MEF2D: variants seen among roughly 807,000 people sequenced by gnomAD.
MEF2D encodes the protein myocyte enhancer factor 2D.
In MEF2D, 10 loss-of-function variants were observed where a neutral mutation model predicts 59.3. That is an observed-to-expected ratio of 0.17 (90% CI 0.10 to 0.29). The LOEUF (loss-of-function observed/expected upper bound fraction) is 0.29, where lower values mean the gene tolerates loss of function less well. Among genes scored for constraint, MEF2D ranks in the 10% least tolerant of loss-of-function variants. The pLI, the probability that MEF2D is intolerant of heterozygous loss-of-function variation, is 1.00. For synonymous variants in MEF2D, 305 were observed against 295.0 expected (o/e 1.03, Z -0.35); for missense variants, 508 against 699.4 (o/e 0.73, Z 3.09).
chr1:156,487,142 C>T (rs1672424857), intron 1 of MEF2D, among the ~76,000 whole-genome samples: 1 of 152,206 alleles, frequency 6.6e-6, no homozygotes, highest in African/African-American at 2.4e-5. Flanking sequence ...TGTCGCCTGG[C>T]AACCAGCTCC....
intron 11 of MEF2D, 104 bp downstream of exon 11, chr1:156,467,889 G>T: frequency 7.0e-7 from 1 of 1,429,100 alleles, no homozygotes; most frequent in Non-Finnish European, 9.5e-7. Context: ...GGGGTAGCCG[G>T]CCACAAGGCC....
intron 1 of MEF2D, among the ~76,000 whole-genome samples, chr1:156,497,060 CT>C (rs1220680537): frequency 6.6e-6 from 1 of 152,218 alleles, no homozygotes; most frequent in African/African-American, 2.4e-5. Flanking sequence ...AGCCATCTCT[CT>C]CCCCCCCAGC....
chr1:156,498,100 T>TA (rs1673240332), intron 1 of MEF2D, among the ~76,000 whole-genome samples: 1 of 33,002 alleles, frequency 3.0e-5, no homozygotes, highest in African/African-American at 2.1e-4. Context: ...CCAGGAAAGA[T>TA]TAAAAAAAAA....
At position 156,468,836 on chromosome 1, in the gene MEF2D, C is replaced by G; in HGVS notation, c.1191G>C (p.Pro397=). ...QQPQPQQPQQ[P]QQPPQQQSHL... The stretch of plus-strand genomic sequence containing the variant: ...GGGACTGTTGCTGAGGTGGCTGTTG[C>G]GGCTGCTGAGGCTGCTGTGGCTGTG... Residue 397 remains proline, a synonymous_variant, in exon 10 of 12, where the codon CCG becomes CCC. Transcript: ENST00000348159. This position sits in a 1 kb window ranked among gnomAD's most constrained non-coding sequence, Gnocchi z 4.3. The G allele has an allele frequency of 6.2e-7, 1 of 1,614,102 alleles. No individual in the cohort carries two copies. Among genetic ancestry groups the G allele is most frequent in the Non-Finnish European group, 8.5e-7 (1 of 1,179,970 alleles).
At chr1:156,487,180 C>A (rs372101992) in intron 1 of MEF2D, among the ~76,000 whole-genome samples, 338 of 152,348 alleles carry the variant, frequency 2.2e-3, no homozygotes, top group Non-Finnish European at 3.1e-3. Context: ...CCGCCCCCCC[C>A]ACCCCCGCCT....
At chr1:156,483,545 C>A in intron 1 of MEF2D, 115 bp from the exon 2 acceptor site, 1 of 568,958 alleles carries the variant, frequency 1.8e-6, no homozygotes, top group Non-Finnish European at 3.1e-6. Flanking sequence ...CATCTGAGCT[C>A]CACCCTCAAC....
At position 156,465,040 on chromosome 1, in the gene MEF2D, T is replaced by C. The variant is rs1670758475; in HGVS notation, c.*2605A>G. 6.6e-6 allele frequency: 1 copy of C among 152,334 alleles called. No individual in the cohort carries two copies. Among genetic ancestry groups the C allele is most frequent in the Non-Finnish European group, 1.5e-5 (1 of 68,118 alleles). The allele number at this position is 152,334 out of a possible 1,614,324, so 9.4% of individuals were successfully genotyped here. On this transcript the variant is annotated 3_prime_UTR_variant, in exon 12 of 12. Coordinates refer to ENST00000348159, the MANE Select transcript of MEF2D (RefSeq NM_005920.4). ...CACTGGGCGAGGCTCTGGGGACGCA[T>C]GCATGAACAAGATTACACCCTGGCT...
chr1:156,500,098 TGTCA>T (rs1673395392), intron 1 of MEF2D, among the ~76,000 whole-genome samples: 1 of 152,012 alleles, frequency 6.6e-6, no homozygotes, highest in Non-Finnish European at 1.5e-5. Flanking sequence ...GCTGTTAAAA[TGTCA>T]GTCGCTCCCG....
At chr1:156,481,434 T>A (rs966425460) in intron 3 of MEF2D, among the ~76,000 whole-genome samples, 5 of 151,458 alleles carry the variant, frequency 3.3e-5, no homozygotes, top group Admixed American at 3.3e-4. Flanking sequence ...CTTAGGAGAA[T>A]AGGAGGAAGA....
chr1:156,468,179 T>C lies in MEF2D; in HGVS notation c.1368A>G (p.Pro456=). The C allele has an allele frequency of 6.2e-7, 1 of 1,613,666 alleles. No homozygotes were observed. The highest frequency in any genetic ancestry group is 8.5e-7 in the Non-Finnish European group (1 of 1,179,790). The part of the protein sequence containing the change: ...SRERSPAPPP[P]AVFPAARPEP... ...CAGGGCGGGCAGCTGGGAACACAGC[T>C]GGAGGGGGAGGCGCAGGGCTGCGCT... The change falls in exon 11 of 12, where the codon CCA becomes CCG. Residue 456 remains proline (P), a synonymous_variant. Coordinates refer to ENST00000348159, the MANE Select transcript of MEF2D (RefSeq NM_005920.4). This position sits in a 1 kb window ranked among gnomAD's most constrained non-coding sequence, Gnocchi z 4.3.
Position 156,483,357 on chromosome 1 carries a change from C to T in MEF2D, c.-65G>A, listed in dbSNP as rs943053577. ...CGCTGGGTGGTGGGTCTCGGCACACCTTACACTGTGCTCATGAACGGTCTG... is the reference window on the plus strand; with the variant it reads ...CGCTGGGTGGTGGGTCTCGGCACACTTTACACTGTGCTCATGAACGGTCTG... On this transcript the variant is annotated 5_prime_UTR_variant, in exon 2 of 12. Coordinates refer to ENST00000348159, the MANE Select transcript of MEF2D (RefSeq NM_005920.4). 2.1e-6 allele frequency: 3 copies of T among 1,442,250 alleles called. No individual in the cohort carries two copies. Among genetic ancestry groups the T allele is most frequent in the Non-Finnish European group, 2.9e-6 (3 of 1,023,758 alleles). 89.3% of individuals were successfully genotyped at this position (1,442,250 alleles called of 1,614,324 possible).
At chr1:156,495,975 C>T (rs1223295665) in intron 1 of MEF2D, among the ~76,000 whole-genome samples, 1 of 152,164 alleles carries the variant, frequency 6.6e-6, no homozygotes, top group Non-Finnish European at 1.5e-5. Flanking sequence ...TCCCTCCCCT[C>T]CCAGCCTACA....
intron 9 of MEF2D, among the ~76,000 whole-genome samples, chr1:156,471,855 T>C (rs1412050428): frequency 6.6e-6 from 1 of 152,236 alleles, no homozygotes; most frequent in African/African-American, 2.4e-5. Context: ...TGAGATCTGC[T>C]TAGCTGCTCC....
rs1050316 is a variant in MEF2D at position 156,464,911 on chromosome 1, G to T, written c.*2734C>A. 0.55 allele frequency: 83,776 copies of T among 152,108 alleles called. 24,994 individuals carry two copies. Among genetic ancestry groups the T allele is most frequent in the East Asian group, 0.74 (3,833 of 5,172 alleles). The allele number at this position is 152,108 out of a possible 1,614,324, so 9.4% of individuals were successfully genotyped here. A position where few individuals can be genotyped will look rare whatever the true frequency, so the allele number is the denominator to read the frequency against. ...GCCTAGAAAGGTGGGCAGACTAATG[G>T]TGGGAATAGCCTGAGAAGGGAAGGC... On this transcript the variant is annotated 3_prime_UTR_variant, in exon 12 of 12. Transcript: ENST00000348159.
intron 11 of MEF2D, 103 bp from the exon 12 acceptor site, chr1:156,467,759 A>G (rs1403258471): frequency 3.2e-6 from 4 of 1,235,222 alleles, no homozygotes; most frequent in Non-Finnish European, 4.3e-6. Context: ...TTCTAGTGGC[A>G]GGGCCAGCTG....
At chr1:156,469,051 G>C (rs1557875892) in intron 9 of MEF2D, 31 bp from the exon 10 acceptor site, 3 of 1,566,652 alleles carry the variant, frequency 1.9e-6, no homozygotes, top group East Asian at 4.5e-5. Context: ...GATGAACCTG[G>C]AGTTGGGGAG....
In MEF2D at chr1:156,476,513, G is replaced by C; in HGVS notation, c.857C>G (p.Thr286Ser). The C allele has an allele frequency of 6.2e-7, 1 of 1,611,686 alleles. No homozygotes were observed. Among genetic ancestry groups the C allele is most frequent in the Non-Finnish European group, 8.5e-7 (1 of 1,179,002 alleles). The change falls in exon 8 of 12, where the codon ACT becomes AGT. Residue 286 changes from threonine (T) to serine (S), a missense_variant and splice_region_variant. This residue lies in a region of MEF2D where 481 missense variants were observed against 584.7 expected (regional missense o/e 0.82). Transcript: ENST00000348159. ...ACTTACCAGATCTAAATGGTCCTCAGTCTGAGAGCAGAAATAAAACCAAGG... is the reference window on the plus strand; with the variant it reads ...ACTTACCAGATCTAAATGGTCCTCACTCTGAGAGCAGAAATAAAACCAAGG... The part of the protein sequence containing the change: ...QAGKGLMHHL[T>S]EDHLDLNNAQ...
At chr1:156,492,724 C>T (rs1273006246) in intron 1 of MEF2D, among the ~76,000 whole-genome samples, 3 of 152,142 alleles carry the variant, frequency 2.0e-5, no homozygotes, top group African/African-American at 4.8e-5. Context: ...GCGGTTGGGA[C>T]GGTTAGTGTG....
chr1:156,493,598 A>G (rs1265387385), intron 1 of MEF2D, among the ~76,000 whole-genome samples: 1 of 152,194 alleles, frequency 6.6e-6, no homozygotes, highest in Admixed American at 6.5e-5. Context: ...CAGTACCTGC[A>G]CAAGGCTATG....
Sources: gnomAD v4.1 joint callset for allele counts (sites outside exome capture counted in the v4.1 genomes callset) on GRCh38, gnomAD v4.1.1 for gene constraint, gnomAD v4.1.1 regional missense constraint, Gnocchi (gnomAD v3.1) non-coding constraint, MANE v1.5 for transcripts, NCBI Gene and HGNC (gene_info 2026-07-23, HGNC 2026-07-21) for gene names.